The following CCDC7 variants were observed in gnomAD, a reference collection of about 807,000 sequenced individuals.
The protein encoded by CCDC7 is coiled-coil domain containing 7.
CCDC7 carries 183 observed loss-of-function variants against 196.9 expected under a neutral mutation model. The observed-to-expected ratio is 0.93, with a 90% CI of 0.82 to 1.05. CCDC7 has a LOEUF of 1.05. CCDC7 is among the 50% of genes least tolerant of loss of function. The pLI is 0.00. For synonymous variants in CCDC7, 525 were observed against 484.6 expected (o/e 1.08, Z -1.10); for missense variants, 1,540 against 1,482.2 (o/e 1.04, Z -0.64).
chr10:32,670,081 T>A (rs1311810780), intron 21 of CCDC7, among the ~76,000 whole-genome samples: 5 of 152,146 alleles, frequency 3.3e-5, no homozygotes, highest in Admixed American at 3.3e-4. Flanking sequence ...TCGGGACATG[T>A]CCTTTCCTGG....
Position 32,819,359 on chromosome 10 carries a change from G to T in CCDC7, c.3181+4906G>T, listed in dbSNP as rs541752351. Among the ~76,000 whole-genome samples, 30 of 152,254 alleles carry T rather than the reference G, an allele frequency of 2.0e-4. No homozygotes were observed. In the East Asian group the frequency reaches 5.6e-3, roughly 28 times the overall value. The stretch of plus-strand genomic sequence containing the variant: ...ACCAAAAAAAGTCCAGGACCAGATG[G>T]ATTCATAGCTGAATTCTCCCAGAGG... On this transcript the variant is annotated intron_variant, in intron 31 of 41. Coordinates refer to ENST00000639629, the Ensembl canonical transcript of CCDC7.
chr10:32,838,011 G>A (rs12416135), intron 33 of CCDC7, among the ~76,000 whole-genome samples: 20,021 of 151,672 alleles, frequency 0.13, 1,601 homozygotes, highest in South Asian at 0.25. Context: ...CCAACATGGC[G>A]CATGTATACA....
chr10:32,824,844 T>C (rs765271136), intron 32 of CCDC7, among the ~76,000 whole-genome samples: 5 of 152,252 alleles, frequency 3.3e-5, no homozygotes, highest in Non-Finnish European at 4.4e-5. Context: ...TAGAATATGC[T>C]TGCAGATGTA....
At chr10:32,845,118 A>G (rs1412747784) in intron 33 of CCDC7, 125 bp from the exon 35 acceptor site, 3 of 523,866 alleles carry the variant, frequency 5.7e-6, no homozygotes. Flanking sequence ...CAATAGTACC[A>G]ATATGTTAGT....
In CCDC7 at chr10:32,696,326, A is replaced by C. The variant is rs545465966; in HGVS notation, c.2458+1334A>C. Among the ~76,000 whole-genome samples, 19 of 152,214 alleles carry C rather than the reference A, an allele frequency of 1.2e-4. No homozygotes were observed. In the East Asian group the frequency reaches 3.3e-3, roughly 26 times the overall value. Reference sequence around the variant, plus strand: ...TCTATTTCCTCCTCATTCTCATGCCAGGGATTTTGGGGATCACAGTCGCCT... The same window carrying C: ...TCTATTTCCTCCTCATTCTCATGCCCGGGATTTTGGGGATCACAGTCGCCT... On this transcript the variant is annotated intron_variant, in intron 24 of 41. Coordinates refer to ENST00000639629, the Ensembl canonical transcript of CCDC7.
At chr10:32,739,948 C>G (rs563860744) in intron 28 of CCDC7, among the ~76,000 whole-genome samples, 20 of 151,914 alleles carry the variant, frequency 1.3e-4, no homozygotes, top group African/African-American at 4.6e-4. Flanking sequence ...TATTATTATG[C>G]AGGAGCCTGA....
At chr10:32,676,976 C>T (rs992619663) in intron 21 of CCDC7, among the ~76,000 whole-genome samples, 4 of 151,858 alleles carry the variant, frequency 2.6e-5, no homozygotes, top group Non-Finnish European at 5.9e-5. Context: ...ACCCAAATGT[C>T]CAACAACGAT....
intron 15 of CCDC7, 80 bp downstream of exon 16, chr10:32,567,971 A>G: frequency 7.8e-7 from 1 of 1,289,780 alleles, no homozygotes; most frequent in Non-Finnish European, 1.0e-6. Context: ...CTTCATTTGT[A>G]TATGTTATTT....
At chr10:32,674,865 T>C (rs1389521274) in intron 21 of CCDC7, among the ~76,000 whole-genome samples, 1 of 152,058 alleles carries the variant, frequency 6.6e-6, no homozygotes, top group Non-Finnish European at 1.5e-5. Flanking sequence ...TTTTTGTCTC[T>C]TGACATCTTA....
chr10:32,592,572 T>G (rs2059882870), intron 18 of CCDC7, among the ~76,000 whole-genome samples: 1 of 152,210 alleles, frequency 6.6e-6, no homozygotes, highest in African/African-American at 2.4e-5. Context: ...AATTTTACTT[T>G]AAGTTCTAGG....
Position 32,612,754 on chromosome 10 carries a change from C to T in CCDC7, c.1802-21500C>T, listed in dbSNP as rs116599236. ...CGTATGTTGAACCAGCCTTGTGTCCCGGGGTGAAGCCGACTTGATCATGGT... is the reference window on the plus strand; with the variant it reads ...CGTATGTTGAACCAGCCTTGTGTCCTGGGGTGAAGCCGACTTGATCATGGT... On this transcript the variant is annotated intron_variant, in intron 18 of 41. Coordinates refer to ENST00000639629, the Ensembl canonical transcript of CCDC7. Among the ~76,000 whole-genome samples, 1,108 of 152,060 alleles carry T rather than the reference C, an allele frequency of 7.3e-3. 17 individuals are homozygous for T. The highest frequency in any genetic ancestry group is 0.024 in the African/African-American group (982 of 41,472).
chr10:32,511,261 C>CGGGCG, intron 9 of CCDC7: 2 of 380,442 alleles, frequency 5.3e-6, no homozygotes, highest in East Asian at 4.3e-5. Context: ...CTGTGGGGGG[C>CGGGCG]GGGGGGGGCG....
intron 15 of CCDC7, among the ~76,000 whole-genome samples, chr10:32,570,076 A>G (rs2057364411): frequency 6.6e-6 from 1 of 152,088 alleles, no homozygotes; most frequent in African/African-American, 2.4e-5. Flanking sequence ...CAGACCTGTT[A>G]TTCATTAACT....
chr10:32,599,547 A>C (rs9663143), intron 18 of CCDC7, among the ~76,000 whole-genome samples: 59,962 of 151,738 alleles, frequency 0.4, 12,085 homozygotes, highest in East Asian at 0.58. Context: ...TCATAGTGTA[A>C]CATTTTTTAT....
intron 18 of CCDC7, among the ~76,000 whole-genome samples, chr10:32,618,589 A>T (rs560665823): frequency 6.6e-6 from 1 of 152,142 alleles, no homozygotes; most frequent in East Asian, 1.9e-4. Flanking sequence ...TTCTGGACTG[A>T]CAGATTTCTT....
chr10:32,654,181 A>G (rs1026567775), intron 20 of CCDC7, among the ~76,000 whole-genome samples: 31 of 152,170 alleles, frequency 2.0e-4, no homozygotes, highest in Admixed American at 1.6e-3. Context: ...AATTTATATC[A>G]TGCTATTGAT....
At chr10:32,809,480 T>C (rs1470554996) in intron 30 of CCDC7, among the ~76,000 whole-genome samples, 2 of 152,186 alleles carry the variant, frequency 1.3e-5, no homozygotes, top group Non-Finnish European at 2.9e-5. Context: ...TCTACCCATC[T>C]GACAAAGGGC....
At chr10:32,472,590 T>G (rs537981827) in intron 7 of CCDC7, 48 bp downstream of exon 8, 2 of 1,429,412 alleles carry the variant, frequency 1.4e-6, no homozygotes, top group East Asian at 2.6e-5. Flanking sequence ...TATTAAAAAT[T>G]TTGTTATTAT....
intron 29 of CCDC7, among the ~76,000 whole-genome samples, chr10:32,784,959 G>A (rs886361709): frequency 2.7e-5 from 4 of 149,248 alleles, no homozygotes; most frequent in Admixed American, 6.7e-5. Flanking sequence ...CAGAGATTGC[G>A]CCACTGCACT....
Sources: allele counts gnomAD v4.1 joint callset (sites outside exome capture counted in the v4.1 genomes callset), GRCh38; gene constraint gnomAD v4.1.1; transcripts MANE v1.5; gene names NCBI Gene and HGNC (gene_info 2026-07-23, HGNC 2026-07-21).